ZNF248: variants seen among roughly 807,000 people sequenced by gnomAD.
ZNF248 encodes KRAB protein domain.
Under a neutral mutation model 44.3 loss-of-function variants are expected in ZNF248, and 20 were observed. That is an observed-to-expected ratio of 0.45 (90% CI 0.32 to 0.66). The LOEUF (loss-of-function observed/expected upper bound fraction) is 0.66. Among genes scored for constraint, ZNF248 ranks in the 30% least tolerant of loss-of-function variants. The pLI is 0.04. For synonymous variants in ZNF248, 224 were observed against 229.0 expected, an observed-to-expected ratio of 0.98 and a Z score of 0.20; for missense variants, 654 against 677.0, an observed-to-expected ratio of 0.97 and a Z score of 0.38.
Position 37,832,859 on chromosome 10 carries a change from C to G in ZNF248, c.496G>C (p.Asp166His). 6.2e-7 allele frequency: 1 copy of G among 1,613,822 alleles called. No individual in the cohort carries two copies. The highest frequency in any genetic ancestry group is 8.5e-7 in the Non-Finnish European group (1 of 1,179,816). ...AATTTCTCACATACATTAAACTCAT[C>G]AGGCTTCTTTCTGGAACAGTTCTTT... ...SKKNCSRKKP[D>H]EFNVCEKLLL... Residue 166 changes from aspartate to histidine, a missense_variant, in exon 6 of 6, where the codon GAT becomes CAT. Coordinates refer to ENST00000395867, the MANE Select transcript of ZNF248 (RefSeq NM_021045.3).
At chr10:37,822,542 A>C (rs1371306186) in intron 6 of ZNF248, among the ~76,000 whole-genome samples, 1 of 152,138 alleles carries the variant, frequency 6.6e-6, no homozygotes, top group African/African-American at 2.4e-5. Context: ...ACTGTGTACC[A>C]TGAGAATCTT....
chr10:37,762,230 G>A, the ZNF248 span, among the ~76,000 whole-genome samples: 4 of 152,204 alleles, frequency 2.6e-5, no homozygotes, highest in Non-Finnish European at 5.9e-5. Flanking sequence ...CTACAAATCT[G>A]TTGCAAGGAA....
chr10:37,831,952 G>T lies in ZNF248; in HGVS notation c.1403C>A (p.Ala468Glu), dbSNP rs2055780345. 1 of 1,613,340 alleles carries T rather than the reference G, an allele frequency of 6.2e-7. No homozygotes were observed. Among genetic ancestry groups the T allele is most frequent in the Non-Finnish European group, 8.5e-7 (1 of 1,179,718 alleles). Residue 468 changes from alanine to glutamate, a missense_variant, in exon 6 of 6, where the codon GCA (alanine) becomes GAA (glutamate). Transcript: ENST00000395867. ...HTGEKPYECN[A>E]CGKSFCHRSA... Reference sequence around the variant, plus strand: ...TCTGTGGCAGAAGGATTTCCCACATGCATTACATTCATAGGGCTTCTCCCC... The same window carrying T: ...TCTGTGGCAGAAGGATTTCCCACATTCATTACATTCATAGGGCTTCTCCCC...
chr10:37,809,129 C>T (rs1382670819), intron 6 of ZNF248, among the ~76,000 whole-genome samples: 1 of 152,084 alleles, frequency 6.6e-6, no homozygotes, highest in East Asian at 1.9e-4. Flanking sequence ...GTCTAGTTAG[C>T]TAAGGGTTTG....
chr10:37,836,638 C>T (rs137888215), intron 5 of ZNF248, among the ~76,000 whole-genome samples: 1,709 of 152,196 alleles, frequency 0.011, 19 homozygotes, highest in Non-Finnish European at 0.019. Flanking sequence ...CAGACTATAC[C>T]GTCATTCTTC....
chr10:37,796,996 A>T (rs1288262797), intron 6 of ZNF248, among the ~76,000 whole-genome samples: 1 of 152,148 alleles, frequency 6.6e-6, no homozygotes, highest in Non-Finnish European at 1.5e-5. Flanking sequence ...ATAAGAAAGG[A>T]GAGAATTATA....
downstream of ZNF248, among the ~76,000 whole-genome samples, chr10:37,826,858 C>T (rs956301913): frequency 2.0e-5 from 3 of 152,246 alleles, no homozygotes; most frequent in South Asian, 4.1e-4. Flanking sequence ...ATTTGTAATA[C>T]TCAAATGCCC....
At chr10:37,792,842 C>CTAGA (rs2048718879) in intron 6 of ZNF248, among the ~76,000 whole-genome samples, 1 of 152,112 alleles carries the variant, frequency 6.6e-6, no homozygotes, top group Admixed American at 6.5e-5. Flanking sequence ...ATGTGGCATC[C>CTAGA]TAGACTGGAT....
intron 6 of ZNF248, among the ~76,000 whole-genome samples, chr10:37,817,344 A>AT (rs201114876): frequency 1.1e-4 from 16 of 149,442 alleles, no homozygotes; most frequent in East Asian, 7.9e-4. Flanking sequence ...GACCTATATA[A>AT]TTTTTTTTTG....
Position 37,832,348 on chromosome 10 carries a change from T to C in ZNF248, c.1007A>G (p.Lys336Arg). Residue 336 changes from lysine (K) to arginine (R), a missense_variant, in exon 6 of 6, where the codon AAG becomes AGG. Coordinates refer to ENST00000395867, the MANE Select transcript of ZNF248 (RefSeq NM_021045.3). ...EYKVSDKTWE[K>R]SALLKHQIVH... Reference sequence around the variant, plus strand: ...TATTTGATGTTTTAAGAGAGCTGACTTTTCCCAGGTTTTGTCACTCACTTT... The same window carrying C: ...TATTTGATGTTTTAAGAGAGCTGACCTTTCCCAGGTTTTGTCACTCACTTT... 6.2e-7 allele frequency: 1 copy of C among 1,614,108 alleles called. No individual in the cohort carries two copies. The highest frequency in any genetic ancestry group is 8.5e-7 in the Non-Finnish European group (1 of 1,179,972).
At chr10:37,767,442 A>G in the ZNF248 span, among the ~76,000 whole-genome samples, 1 of 152,252 alleles carries the variant, frequency 6.6e-6, no homozygotes, top group Non-Finnish European at 1.5e-5. Flanking sequence ...GAAACCCTAC[A>G]AGCCAGAAGG....
At chr10:37,844,713 C>A (rs1456107495) in intron 3 of ZNF248, among the ~76,000 whole-genome samples, 1 of 151,766 alleles carries the variant, frequency 6.6e-6, no homozygotes, top group Non-Finnish European at 1.5e-5. Flanking sequence ...ATGGTAAACA[C>A]CAACAAAATA....
At chr10:37,825,912 G>C (rs1401101100), downstream of ZNF248, among the ~76,000 whole-genome samples, 2 of 151,902 alleles carry the variant, frequency 1.3e-5, no homozygotes, top group Non-Finnish European at 2.9e-5. Flanking sequence ...AAAAAAAAGG[G>C]GGGGAGAGAG....
At chr10:37,853,822 A>G (rs1013387380) in intron 3 of ZNF248, among the ~76,000 whole-genome samples, 2 of 152,186 alleles carry the variant, frequency 1.3e-5, no homozygotes, top group Non-Finnish European at 2.9e-5. Context: ...CTGTCACCAA[A>G]AGATCTGCAC....
At chr10:37,833,208 T>G in intron 5 of ZNF248, 92 bp from the exon 6 acceptor site, 3 of 1,459,872 alleles carry the variant, frequency 2.1e-6, no homozygotes, top group Non-Finnish European at 2.7e-6. Flanking sequence ...ATACAGTCAA[T>G]TCTTTTGTTT....
At chr10:37,850,496 A>T (rs1018193262) in intron 3 of ZNF248, among the ~76,000 whole-genome samples, 1 of 152,226 alleles carries the variant, frequency 6.6e-6, no homozygotes, top group Non-Finnish European at 1.5e-5. Context: ...TAAAGCAACT[A>T]TGAAGAAGAA....
intron 3 of ZNF248, among the ~76,000 whole-genome samples, chr10:37,847,600 G>A (rs1201659444): frequency 6.6e-6 from 1 of 152,118 alleles, no homozygotes; most frequent in Non-Finnish European, 1.5e-5. Context: ...GAGAGATAAA[G>A]CAAATAAGGC....
At chr10:37,776,369 T>C, downstream of ZNF248, 1 of 378,606 alleles carries the variant, frequency 2.6e-6, no homozygotes, top group African/African-American at 2.1e-5. Flanking sequence ...TTACAGAGCA[T>C]CACTCATTCT....
chr10:37,787,678 C>T (rs911937078), intron 6 of ZNF248, among the ~76,000 whole-genome samples: 2 of 151,276 alleles, frequency 1.3e-5, no homozygotes, highest in Non-Finnish European at 2.9e-5. Context: ...AGACCTTTAC[C>T]TCACACAATA....
Sources: allele counts gnomAD v4.1 joint callset (sites outside exome capture counted in the v4.1 genomes callset), GRCh38; gene constraint gnomAD v4.1.1; transcripts MANE v1.5; gene names NCBI Gene and HGNC (gene_info 2026-07-23, HGNC 2026-07-21).